TSHZ2: variants seen among roughly 807,000 people sequenced by gnomAD.
The protein encoded by TSHZ2 is teashirt zinc finger homeobox 2, also known as teashirt homolog 2.
TSHZ2 carries 21 observed loss-of-function variants against 74.4 expected under a neutral mutation model. That is an observed-to-expected ratio of 0.28 (90% CI 0.20 to 0.41). TSHZ2 has a LOEUF of 0.41. Among genes scored for constraint, TSHZ2 ranks in the 10% least tolerant of loss-of-function variants. The probability of loss-of-function intolerance (pLI) is 1.00; values close to 1 mark genes in which losing one functional copy is unlikely to be tolerated. For synonymous variants in TSHZ2, 540 were observed against 515.3 expected (o/e 1.05, Z -0.65); for missense variants, 1,244 against 1,293.5 (o/e 0.96, Z 0.59).
At position 53,264,625 on chromosome 20, in the gene TSHZ2, A is replaced by C. The variant is rs1028713995; in HGVS notation, c.*8+8054A>C. Among the ~76,000 whole-genome samples the C allele has an allele frequency of 7.9e-5, 12 of 152,328 alleles. No individual in the cohort carries two copies. In the East Asian group the frequency reaches 2.1e-3, roughly 27 times the overall value. Reference sequence around the variant, plus strand: ...GTTTTACCAACTTTAGCCCAAATATATGCCTTGCAAGCTACCCAGCACTCA... The same window carrying C: ...GTTTTACCAACTTTAGCCCAAATATCTGCCTTGCAAGCTACCCAGCACTCA... On this transcript the variant is annotated intron_variant, in intron 2 of 2. Coordinates refer to ENST00000371497, the MANE Select transcript of TSHZ2 (RefSeq NM_173485.6).
In TSHZ2 at chr20:53,475,803, G is replaced by A. The variant is rs1227371005; in HGVS notation, c.*9-11341G>A. On this transcript the variant is annotated intron_variant, in intron 2 of 2. Transcript: ENST00000371497. ...GAAAAGAGAGAAGAATCAAATAGACGCAATAAAAAATGACAAAGGGGATAT... is the reference window on the plus strand; with the variant it reads ...GAAAAGAGAGAAGAATCAAATAGACACAATAAAAAATGACAAAGGGGATAT... 1.2e-4 allele frequency among the ~76,000 whole-genome samples: 16 copies of A among 139,108 alleles called. 3 individuals are homozygous for A. The highest frequency in any genetic ancestry group is 2.5e-4 in the African/African-American group (9 of 35,624). 91.3% of individuals were successfully genotyped at this position (139,108 alleles called of 152,430 possible). A position where few individuals can be genotyped will look rare whatever the true frequency, so the allele number is the denominator to read the frequency against.
At chr20:53,058,114 T>A (rs1984700340) in intron 1 of TSHZ2, among the ~76,000 whole-genome samples, 1 of 152,134 alleles carries the variant, frequency 6.6e-6, no homozygotes, top group Non-Finnish European at 1.5e-5. Flanking sequence ...ACAATAGGGT[T>A]TAGGCCCTTG....
chr20:53,024,768 T>A (rs1213620876), intron 1 of TSHZ2, among the ~76,000 whole-genome samples: 1 of 152,182 alleles, frequency 6.6e-6, no homozygotes, highest in African/African-American at 2.4e-5. Flanking sequence ...GTTCTTGTGT[T>A]AGTTTGCTGA....
chr20:53,387,763 C>T (rs918936303), intron 2 of TSHZ2, among the ~76,000 whole-genome samples: 1 of 152,068 alleles, frequency 6.6e-6, no homozygotes, highest in Non-Finnish European at 1.5e-5. Context: ...TAAAAGATAA[C>T]TAGGCGGGCA....
chr20:53,103,582 T>G (rs929176946), intron 1 of TSHZ2, among the ~76,000 whole-genome samples: 3 of 152,186 alleles, frequency 2.0e-5, no homozygotes, highest in Non-Finnish European at 4.4e-5. Context: ...TAGAATAACT[T>G]CAGTTACCAA....
At chr20:53,114,252 G>A (rs1986609801) in intron 1 of TSHZ2, among the ~76,000 whole-genome samples, 1 of 152,004 alleles carries the variant, frequency 6.6e-6, no homozygotes, top group African/African-American at 2.4e-5. Flanking sequence ...TGTGTTTCAT[G>A]GACGAGTATA....
rs1315810298 is a variant in TSHZ2 at position 53,280,680 on chromosome 20, GT to G, written c.*8+24111del. On this transcript the variant is annotated intron_variant, in intron 2 of 2. Transcript: ENST00000371497. ...TTGTTTGTTTTTTGTTGTTGTTGTT[GT>G]TGTGTGTGGGGGTTTTTTTGTGTGT... is the stretch of plus-strand genomic sequence containing the variant. Among the ~76,000 whole-genome samples, 857 of 148,320 alleles carry G rather than the reference GT, an allele frequency of 5.8e-3. 10 individuals are homozygous for G. Among genetic ancestry groups the G allele is most frequent in the African/African-American group, 0.021 (809 of 39,302 alleles).
chr20:53,184,950 C>G (rs2123522352), intron 1 of TSHZ2, among the ~76,000 whole-genome samples: 1 of 152,286 alleles, frequency 6.6e-6, no homozygotes, highest in Admixed American at 6.5e-5. Context: ...CTCAAGTGAT[C>G]TGCCCGCATT....
chr20:53,278,974 T>A (rs1568849317), intron 2 of TSHZ2, among the ~76,000 whole-genome samples: 1 of 152,244 alleles, frequency 6.6e-6, no homozygotes, highest in Non-Finnish European at 1.5e-5. Context: ...TAAAGTCAAT[T>A]AACACATATT....
At chr20:53,026,609 G>A (rs1328514704) in intron 1 of TSHZ2, among the ~76,000 whole-genome samples, 2 of 152,116 alleles carry the variant, frequency 1.3e-5, no homozygotes, top group South Asian at 2.1e-4. Context: ...GTTTATTGTG[G>A]CATGCTTAGT....
intron 1 of TSHZ2, among the ~76,000 whole-genome samples, chr20:52,991,407 G>A (rs533059682): frequency 1.5e-4 from 22 of 146,028 alleles, no homozygotes; most frequent in African/African-American, 5.6e-4. Flanking sequence ...GTGTGTTGTG[G>A]GGGGAGAGAG....
Position 53,351,322 on chromosome 20 carries a change from T to C in TSHZ2, c.*8+94751T>C, listed in dbSNP as rs527853610. ...AAAACTGGGGAGGTGGGAATTGACA[T>C]TTCCTTTGAACTCCAAACAAATGGC... On this transcript the variant is annotated intron_variant, in intron 2 of 2. Coordinates refer to ENST00000371497, the MANE Select transcript of TSHZ2 (RefSeq NM_173485.6). Among the ~76,000 whole-genome samples, 20 of 152,306 alleles carry C rather than the reference T, an allele frequency of 1.3e-4. No homozygotes were observed. The East Asian group carries it at 3.7e-3, about 28-fold the overall frequency.
intron 1 of TSHZ2, among the ~76,000 whole-genome samples, chr20:53,062,673 C>T (rs1283296483): frequency 6.6e-6 from 1 of 152,182 alleles, no homozygotes; most frequent in African/African-American, 2.4e-5. Context: ...ATCTTCTATC[C>T]AGACCACTAA....
chr20:53,387,579 T>C (rs1272574635), intron 2 of TSHZ2, among the ~76,000 whole-genome samples: 1 of 152,172 alleles, frequency 6.6e-6, no homozygotes, highest in Non-Finnish European at 1.5e-5. Flanking sequence ...CCTCTTTTGC[T>C]CTCAAGTCTT....
At chr20:53,142,280 C>G (rs1987419735) in intron 1 of TSHZ2, among the ~76,000 whole-genome samples, 1 of 152,188 alleles carries the variant, frequency 6.6e-6, no homozygotes, top group African/African-American at 2.4e-5. Context: ...GTATTAGCTA[C>G]ACTCTCAGAT....
At chr20:53,070,448 C>T (rs1702998432) in intron 1 of TSHZ2, among the ~76,000 whole-genome samples, 1 of 152,212 alleles carries the variant, frequency 6.6e-6, no homozygotes, top group Admixed American at 6.5e-5. Context: ...TCGAAATTAT[C>T]TGTGAAGCAA....
intron 2 of TSHZ2, among the ~76,000 whole-genome samples, chr20:53,406,922 C>G (rs576773231): frequency 6.6e-6 from 1 of 152,144 alleles, no homozygotes; most frequent in African/African-American, 2.4e-5. Context: ...ACTGGTCCCA[C>G]GTCTTCCTAA....
At chr20:53,386,822 C>T (rs556240417) in intron 2 of TSHZ2, among the ~76,000 whole-genome samples, 4 of 151,468 alleles carry the variant, frequency 2.6e-5, no homozygotes. Context: ...GACAGGCAAA[C>T]AGGATTTGCT....
intron 1 of TSHZ2, among the ~76,000 whole-genome samples, chr20:53,211,345 C>T (rs1023541483): frequency 2.0e-5 from 3 of 152,122 alleles, no homozygotes; most frequent in Non-Finnish European, 2.9e-5. Flanking sequence ...TCCATAGATG[C>T]CTCCACTCAG....
Sources: gnomAD v4.1 joint callset for allele counts (sites outside exome capture counted in the v4.1 genomes callset) on GRCh38, gnomAD v4.1.1 for gene constraint, MANE v1.5 for transcripts, NCBI Gene and HGNC (gene_info 2026-07-23, HGNC 2026-07-21) for gene names.